Variants in GON4L observed in about 807,000 individuals in gnomAD.
The protein encoded by GON4L is gon-4 like, also known as GON-4-like protein.
In GON4L, 87 loss-of-function variants were observed where a neutral mutation model predicts 211.8. The ratio of observed to expected loss-of-function variants is 0.41; its 90% confidence interval spans 0.35 to 0.49. The LOEUF is 0.49. Ranked by LOEUF, GON4L falls within the 20% of genes least tolerant of loss-of-function variation. The pLI is 0.15. For missense variants in GON4L, 2,155 were observed against 2,659.5 expected (o/e 0.81, Z 4.17); for synonymous variants, 875 against 962.6 (o/e 0.91, Z 1.68).
At chr1:155,842,652 ATG>A (rs1670884295) in intron 2 of GON4L, among the ~76,000 whole-genome samples, 1 of 152,030 alleles carries the variant, frequency 6.6e-6, no homozygotes, top group African/African-American at 2.4e-5. Flanking sequence ...CCTGGCCAAC[ATG>A]GTGAAACCCT....
chr1:155,794,665 TAGG>T (rs1665907977), intron 12 of GON4L, among the ~76,000 whole-genome samples: 1 of 152,204 alleles, frequency 6.6e-6, no homozygotes, highest in Non-Finnish European at 1.5e-5. Context: ...TATCATACAC[TAGG>T]AGATGACACT....
chr1:155,819,370 TTTC>T (rs986377180), intron 6 of GON4L, among the ~76,000 whole-genome samples: 5 of 152,100 alleles, frequency 3.3e-5, no homozygotes, highest in Non-Finnish European at 7.4e-5. Flanking sequence ...ACATACTAGT[TTTC>T]TTCAACTGTA....
intron 3 of GON4L, among the ~76,000 whole-genome samples, chr1:155,823,497 G>C (rs1459955240): frequency 6.6e-6 from 1 of 152,100 alleles, no homozygotes; most frequent in Non-Finnish European, 1.5e-5. Flanking sequence ...GTTTTGTCCA[G>C]AAATAAGACA....
At chr1:155,769,925 CAA>C (rs1342288565) in intron 19 of GON4L, among the ~76,000 whole-genome samples, 1 of 142,540 alleles carries the variant, frequency 7.0e-6, no homozygotes, top group Non-Finnish European at 1.5e-5. Flanking sequence ...GGCCTAAATC[CAA>C]TATACCAGGA....
intron 27 of GON4L, 87 bp from the exon 28 acceptor site, chr1:155,754,575 G>A (rs1660971045): frequency 1.2e-6 from 1 of 828,672 alleles, no homozygotes; most frequent in Non-Finnish European, 1.9e-6. Context: ...TGTGGCCCAG[G>A]CTGGGTTGCA....
chr1:155,815,620 G>A (rs1271841322), intron 8 of GON4L, among the ~76,000 whole-genome samples, 185 bp downstream of exon 8: 1 of 152,084 alleles, frequency 6.6e-6, no homozygotes, highest in African/African-American at 2.4e-5. Flanking sequence ...ACGTTTCTAT[G>A]CTGTATTTCA....
At chr1:155,792,806 G>A (rs1272446229) in intron 12 of GON4L, among the ~76,000 whole-genome samples, 4 of 152,126 alleles carry the variant, frequency 2.6e-5, no homozygotes, top group African/African-American at 9.7e-5. Flanking sequence ...ACCCAGGCTG[G>A]AGTACAGTGT....
intron 6 of GON4L, among the ~76,000 whole-genome samples, chr1:155,819,503 A>G (rs894051039): frequency 6.6e-6 from 1 of 151,252 alleles, no homozygotes; most frequent in African/African-American, 2.4e-5. Context: ...CAATCTTCCT[A>G]CCTCCACCTC....
At position 155,750,608 on chromosome 1, in the gene GON4L, C is replaced by A. The variant is rs1183382339; in HGVS notation, c.6702G>T (p.Leu2234=). Reference sequence around the variant, plus strand: ...CTCATTCATCCAGCTCCTCTTCAGACAGAAGGTCCCCATGGTCAGACAGCT... The same window carrying A: ...CTCATTCATCCAGCTCCTCTTCAGAAAGAAGGTCCCCATGGTCAGACAGCT... ...ADQLSDHGDL[L]SEEELDE The change falls in exon 32 of 32, where the codon CTG becomes CTT. Residue 2234 remains leucine (L), a synonymous_variant. Coordinates refer to ENST00000368331, the MANE Select transcript of GON4L (RefSeq NM_001282860.2). The A allele has an allele frequency of 1.3e-6, 2 of 1,591,118 alleles. No individual in the cohort carries two copies. The highest frequency in any genetic ancestry group is 1.7e-5 in the Admixed American group (1 of 59,444).
At chr1:155,814,500 A>T in intron 8 of GON4L, 51 bp from the exon 9 acceptor site, 1 of 1,580,116 alleles carries the variant, frequency 6.3e-7, no homozygotes, top group Non-Finnish European at 8.7e-7. Context: ...ACCTCATTCC[A>T]CAAAGTCTGA....
At position 155,766,367 on chromosome 1, in the gene GON4L, C is replaced by A. The variant is rs747622385; in HGVS notation, c.3106G>T (p.Val1036Leu). ...TGTATTGGGTGAGGAATCCGGAGCA[C>A]CATTTTGCTCGGAGGGGCTTCTGAA... is the stretch of plus-strand genomic sequence containing the variant. ...THSEAPPSKM[V>L]LRIPHPIQPA... Residue 1036 changes from valine to leucine, a missense_variant, in exon 21 of 32, where the codon GTG (valine) becomes TTG (leucine). This residue lies in a region of GON4L where 615 missense variants were observed against 625.7 expected (regional missense o/e 0.98). Transcript: ENST00000368331. The A allele has an allele frequency of 8.1e-6, 13 of 1,613,972 alleles. No homozygotes were observed. The highest frequency in any genetic ancestry group is 1.7e-5 in the Admixed American group (1 of 59,996).
intron 2 of GON4L, among the ~76,000 whole-genome samples, chr1:155,837,482 C>A (rs948842396): frequency 6.6e-6 from 1 of 152,104 alleles, no homozygotes; most frequent in African/African-American, 2.4e-5. Context: ...TATTATACTT[C>A]TACTGGTTCA....
intron 27 of GON4L, among the ~76,000 whole-genome samples, chr1:155,755,032 A>C (rs1164596343): frequency 6.8e-6 from 1 of 147,780 alleles, no homozygotes; most frequent in Non-Finnish European, 1.5e-5. Flanking sequence ...TCAGCCTCCC[A>C]AGTAGCTGGG....
upstream of GON4L, among the ~76,000 whole-genome samples, chr1:155,857,558 C>G (rs530116984): frequency 1.2e-3 from 187 of 152,172 alleles, 1 homozygote; most frequent in African/African-American, 4.3e-3. Flanking sequence ...GGTGAAACCC[C>G]GTCTCTACTA....
At chr1:155,751,599 C>G (rs1660592699) in intron 31 of GON4L, among the ~76,000 whole-genome samples, 168 bp downstream of exon 31, 1 of 152,174 alleles carries the variant, frequency 6.6e-6, no homozygotes, top group African/African-American at 2.4e-5. Context: ...AGTGTCCTTT[C>G]TCTTCTAGAA....
chr1:155,765,695 T>C lies in GON4L; in HGVS notation c.3778A>G (p.Thr1260Ala). Residue 1260 changes from threonine (T) to alanine (A), a missense_variant, in exon 21 of 32, where the codon ACT becomes GCT. Thr to Ala is a moderately conservative substitution (Grantham distance 58, BLOSUM62 0). Coordinates refer to ENST00000368331, the MANE Select transcript of GON4L (RefSeq NM_001282860.2). ...EPQELSPLSA[T>A]VFPKVEHSPG... ...CTATGTTCCACTTTCGGGAAAACAG[T>C]AGCAGAGAGAGGAGATAGTTCCTGG... 3 of 1,614,190 alleles carry C rather than the reference T, an allele frequency of 1.9e-6. No homozygotes were observed. In the South Asian group the frequency reaches 3.3e-5, roughly 18 times the overall value.
chr1:155,782,851 G>A lies in GON4L; in HGVS notation c.1892+1135C>T, dbSNP rs144582079. 3.8e-3 allele frequency among the ~76,000 whole-genome samples: 584 copies of A among 152,016 alleles called. 5 individuals are homozygous for A. Among genetic ancestry groups the A allele is most frequent in the African/African-American group, 0.014 (560 of 41,462 alleles). On this transcript the variant is annotated intron_variant, in intron 14 of 31. Transcript: ENST00000368331. Reference sequence around the variant, plus strand: ...ATTTTTGTATTTTTAGTAGAGATGGGGTTTCACCATGTTGGCCAGGCTGGT... The same window carrying A: ...ATTTTTGTATTTTTAGTAGAGATGGAGTTTCACCATGTTGGCCAGGCTGGT...
chr1:155,752,021 T>C lies in GON4L; in HGVS notation c.6412A>G (p.Thr2138Ala), dbSNP rs1476970425. 9.3e-6 allele frequency: 15 copies of C among 1,613,668 alleles called. No homozygotes were observed. In the South Asian group the frequency reaches 1.1e-4, roughly 12 times the overall value. ...GEQQPKAAEA[T>A]VCANNSKVSS... ...ACCTTGCTGTTGTTGGCACACACCG[T>C]AGCTTCTGCGGCCTTTGGCTGCTGC... Residue 2138 changes from threonine to alanine, a missense_variant, in exon 30 of 32, where the codon ACG becomes GCG. Coordinates refer to ENST00000368331, the MANE Select transcript of GON4L (RefSeq NM_001282860.2).
intron 22 of GON4L, among the ~76,000 whole-genome samples, chr1:155,762,701 G>C (rs893003459): frequency 5.3e-5 from 8 of 152,170 alleles, no homozygotes; most frequent in Non-Finnish European, 1.2e-4. Flanking sequence ...AAATAAACAT[G>C]GGTCTTAGCC....
Sources: allele counts gnomAD v4.1 joint callset (sites outside exome capture counted in the v4.1 genomes callset), GRCh38; gene constraint gnomAD v4.1.1; regional missense constraint gnomAD v4.1.1; transcripts MANE v1.5; gene names NCBI Gene and HGNC (gene_info 2026-07-23, HGNC 2026-07-21).